MYOM2: variants seen among roughly 807,000 people sequenced by gnomAD.
The protein encoded by MYOM2 is myomesin-2.
A neutral mutation model predicts 187.6 loss-of-function variants in MYOM2; 254 were observed. The ratio of observed to expected loss-of-function variants is 1.35; its 90% CI spans 1.22 to 1.50. The LOEUF (loss-of-function observed/expected upper bound fraction) is 1.50, where lower values mean the gene tolerates loss of function less well. Ranked by LOEUF, MYOM2 falls within the 40% of genes most tolerant of loss-of-function variation. MYOM2 has a pLI of 0.00. For missense variants in MYOM2, 2,796 were observed against 1,924.0 expected (o/e 1.45, Z -8.48); for synonymous variants, 981 against 753.8 (o/e 1.30, Z -4.94).
intron 25 of MYOM2, among the ~76,000 whole-genome samples, chr8:2,115,488 C>T (rs1056623651): frequency 6.6e-6 from 1 of 152,208 alleles, no homozygotes; most frequent in Non-Finnish European, 1.5e-5. Flanking sequence ...CCTGAAACCC[C>T]TGCACCCTGA....
intron 32 of MYOM2, among the ~76,000 whole-genome samples, chr8:2,139,290 T>A (rs75883750): frequency 0.014 from 2,116 of 152,014 alleles, 37 homozygotes; most frequent in East Asian, 0.044. Flanking sequence ...TACAGGTGCT[T>A]GCCACCACAC....
chr8:2,092,402 G>A lies in MYOM2; in HGVS notation c.1885G>A (p.Val629Met), dbSNP rs760128072. The A allele has an allele frequency of 5.6e-6, 9 of 1,614,170 alleles. No individual in the cohort carries two copies. The highest frequency in any genetic ancestry group is 1.1e-5 in the South Asian group (1 of 91,086). The part of the protein sequence containing the change: ...LASRNTKTSV[V>M]VQWDRPKHEE... ...TTCCCGAAACACCAAGACGTCGGTGGTGGTGCAGTGGGACCGACCTAAGCA... is the reference window on the plus strand; with the variant it reads ...TTCCCGAAACACCAAGACGTCGGTGATGGTGCAGTGGGACCGACCTAAGCA... Residue 629 changes from valine (V) to methionine (M), a missense_variant, in exon 16 of 37, where the codon GTG becomes ATG. Val to Met is a conservative substitution (Grantham distance 21). Coordinates refer to ENST00000262113, the MANE Select transcript of MYOM2 (RefSeq NM_003970.4).
chr8:2,052,371 A>G, intron 3 of MYOM2, 58 bp downstream of exon 3: 1 of 1,520,636 alleles, frequency 6.6e-7, no homozygotes, highest in Non-Finnish European at 8.8e-7. Context: ...CAGTGGAGGG[A>G]CAGTGGGGTG....
At chr8:2,143,361 C>T (rs751621981) in intron 35 of MYOM2, 40 bp from the exon 36 acceptor site, 13 of 1,613,668 alleles carry the variant, frequency 8.1e-6, no homozygotes, top group Middle Eastern at 1.6e-4. Flanking sequence ...TGGGAACGTC[C>T]CGCAGATGTT....
intron 27 of MYOM2, 42 bp from the exon 28 acceptor site, chr8:2,117,843 T>G: frequency 2.0e-6 from 3 of 1,474,202 alleles, no homozygotes; most frequent in Non-Finnish European, 2.8e-6. Context: ...TTTGTTTACT[T>G]TTTCCTTTTT....
intron 13 of MYOM2, among the ~76,000 whole-genome samples, chr8:2,081,217 G>GT (rs1450718476): frequency 1.7e-4 from 12 of 71,178 alleles, no homozygotes; most frequent in African/African-American, 4.5e-4. Context: ...GTAGAATGAG[G>GT]TGGGTTCTGG....
intron 11 of MYOM2, 35 bp from the exon 12 acceptor site, chr8:2,078,699 C>G: frequency 1.9e-6 from 3 of 1,604,306 alleles, no homozygotes; most frequent in Non-Finnish European, 2.6e-6. Context: ...GCCACATTTG[C>G]TATTCTCTGT....
intron 23 of MYOM2, among the ~76,000 whole-genome samples, chr8:2,108,395 G>C (rs1009077403): frequency 6.6e-6 from 1 of 151,756 alleles, no homozygotes; most frequent in Non-Finnish European, 1.5e-5. Context: ...GGGAAGGAAA[G>C]TCACAGGCCA....
intron 13 of MYOM2, among the ~76,000 whole-genome samples, chr8:2,084,182 G>A (rs1819729791): frequency 6.6e-6 from 1 of 152,166 alleles, no homozygotes; most frequent in Admixed American, 6.5e-5. Flanking sequence ...CGGGTGGAGA[G>A]CAGGCCTGTG....
rs141326692 is a variant in MYOM2 at position 2,098,886 on chromosome 8, C to G, written c.2343C>G (p.Tyr781Ter). The G allele has an allele frequency of 2.6e-5, 42 of 1,613,364 alleles. No homozygotes were observed. In the South Asian group the frequency reaches 4.4e-4, roughly 17 times the overall value. Residue 781 changes from tyrosine (Y) to a stop codon, truncating the protein, a stop_gained, in exon 19 of 37, where the codon TAC becomes TAG. Coordinates refer to ENST00000262113, the MANE Select transcript of MYOM2 (RefSeq NM_003970.4). LOFTEE classifies it high-confidence loss of function. ...TVDGLTEGSL[Y>*]EFKIAAVNLA... is the part of the protein sequence containing the mutation. ...ACGGCTTGACGGAAGGCTCACTCTACGAGTTCAAAATCGCCGCCGTCAACC... is the reference window on the plus strand; with the variant it reads ...ACGGCTTGACGGAAGGCTCACTCTAGGAGTTCAAAATCGCCGCCGTCAACC...
At chr8:2,127,572 G>A (rs1260351575) in intron 31 of MYOM2, among the ~76,000 whole-genome samples, 1 of 152,108 alleles carries the variant, frequency 6.6e-6, no homozygotes, top group African/African-American at 2.4e-5. Context: ...GTCCAGGCAG[G>A]CAGTACCTCG....
intron 13 of MYOM2, among the ~76,000 whole-genome samples, chr8:2,082,773 G>A (rs879281080): frequency 2.6e-5 from 4 of 152,164 alleles, no homozygotes; most frequent in South Asian, 2.1e-4. Flanking sequence ...TGCTTTCCTG[G>A]GCCGGGGCAT....
rs748501449 is a variant in MYOM2 at position 2,090,191 on chromosome 8, G to C, written c.1828G>C (p.Val610Leu). The C allele has an allele frequency of 3.1e-6, 5 of 1,610,958 alleles. No homozygotes were observed. The highest frequency in any genetic ancestry group is 4.2e-6 in the Non-Finnish European group (5 of 1,177,826). ...TSPIQAQDVT[V>L]VPSAPGRVLA... is the part of the protein sequence containing the mutation. The stretch of plus-strand genomic sequence containing the variant: ...CCCCATTCAGGCCCAGGATGTGACC[G>C]GTGAGCTGTCACACTGGGTGGCCCC... Residue 610 changes from valine (V) to leucine (L), a missense_variant and splice_region_variant, in exon 15 of 37, where the codon GTT (valine) becomes CTT (leucine). Physicochemically the swap from Val to Leu is conservative, Grantham distance 32 (BLOSUM62 1). Transcript: ENST00000262113.
intron 6 of MYOM2, among the ~76,000 whole-genome samples, chr8:2,065,123 C>T (rs1818973835): frequency 1.3e-5 from 2 of 152,104 alleles, no homozygotes; most frequent in African/African-American, 2.4e-5. Context: ...CAAAGTCACC[C>T]TAGTCAAGTG....
rs184921697 is a variant in MYOM2, at chr8:2,098,795, C to T, written c.2314-62C>T. On this transcript the variant is annotated intron_variant, in intron 18 of 36. Coordinates refer to ENST00000262113, the MANE Select transcript of MYOM2 (RefSeq NM_003970.4). The stretch of plus-strand genomic sequence containing the variant: ...CACAAGCCAGTTATAACAACTCCTC[C>T]CCCTCAGTGGGCTGTAAGGCATCCT... The T allele has an allele frequency of 1.2e-4, 180 of 1,500,960 alleles. 3 individuals are homozygous for T. In the African/African-American group the frequency reaches 2.2e-3, roughly 18 times the overall value. 93.0% of individuals were successfully genotyped at this position (1,500,960 alleles called of 1,614,324 possible).
chr8:2,099,029 G>C, intron 19 of MYOM2, 46 bp downstream of exon 19: 2 of 1,551,454 alleles, frequency 1.3e-6, no homozygotes, highest in Non-Finnish European at 8.8e-7. Context: ...GCACAGGCTG[G>C]CTGGGAAGGG....
chr8:2,082,817 C>T (rs975665543), intron 13 of MYOM2, among the ~76,000 whole-genome samples: 1 of 152,218 alleles, frequency 6.6e-6, no homozygotes, highest in South Asian at 2.1e-4. Context: ...TTGCTCTGTG[C>T]TCTGCAGGAC....
chr8:2,108,726 G>C, intron 23 of MYOM2, 60 bp from the exon 24 acceptor site: 3 of 1,557,346 alleles, frequency 1.9e-6, no homozygotes, highest in Non-Finnish European at 1.8e-6. Context: ...CCTTGCTGTT[G>C]TCTACAAACT....
chr8:2,077,906 T>C (rs1017096167), intron 11 of MYOM2, among the ~76,000 whole-genome samples: 1 of 152,190 alleles, frequency 6.6e-6, no homozygotes, highest in African/African-American at 2.4e-5. Flanking sequence ...TTTGACCTGT[T>C]GTTCTCTTCG....
Sources: allele counts gnomAD v4.1 joint callset (sites outside exome capture counted in the v4.1 genomes callset), GRCh38; gene constraint gnomAD v4.1.1; transcripts MANE v1.5; gene names NCBI Gene and HGNC (gene_info 2026-07-23, HGNC 2026-07-21).